Variants in SCRN1 observed in about 807,000 individuals in gnomAD.
SCRN1 encodes the protein secernin 1, also known as secernin-1.
Under a neutral mutation model 43.3 loss-of-function variants are expected in SCRN1, and 19 were observed. The ratio of observed to expected loss-of-function variants is 0.44; its 90% confidence interval spans 0.31 to 0.64. SCRN1 has a LOEUF of 0.64. Ranked by LOEUF, SCRN1 falls within the 30% of genes least tolerant of loss-of-function variation. The pLI is 0.09. For missense variants in SCRN1, 447 were observed against 524.1 expected, an observed-to-expected ratio of 0.85 and a Z score of 1.44; for synonymous variants, 183 against 188.9, an observed-to-expected ratio of 0.97 and a Z score of 0.26.
intron 5 of SCRN1, 51 bp from the exon 6 acceptor site, chr7:29,936,772 C>A: frequency 7.1e-7 from 1 of 1,416,620 alleles, no homozygotes; most frequent in African/African-American, 1.4e-5. Flanking sequence ...ATAGGCCGGG[C>A]GCGGTGGCTC....
Position 29,936,590 on chromosome 7 carries a change from T to G in SCRN1, c.871A>C (p.Ile291Leu), listed in dbSNP as rs748442203. The change falls in exon 6 of 8, where the codon ATT becomes CTT. Residue 291 changes from isoleucine (I) to leucine (L), a missense_variant. Physicochemically the swap from Ile to Leu is conservative, Grantham distance 5 (BLOSUM62 2). Coordinates refer to ENST00000242059, the MANE Select transcript of SCRN1 (RefSeq NM_014766.5). ...TCAGGGGTTCCAGTGAAGTAGTGAA[T>G]GCACGGAGAGCTTCTATTCTGCGGC... ...VLPQNRSSPC[I>L]HYFTGTPDPS... 1.9e-6 allele frequency: 3 copies of G among 1,600,146 alleles called. No individual in the cohort carries two copies. In the Admixed American group the frequency reaches 5.0e-5, roughly 27 times the overall value.
intron 1 of SCRN1, among the ~76,000 whole-genome samples, chr7:29,984,275 T>A (rs1030121703): frequency 1.3e-5 from 2 of 150,680 alleles, no homozygotes; most frequent in African/African-American, 4.9e-5. Context: ...TAAATTATTA[T>A]AATTTAGAAT....
intron 1 of SCRN1, among the ~76,000 whole-genome samples, chr7:29,976,518 T>A (rs930906169): frequency 2.0e-5 from 3 of 152,220 alleles, no homozygotes; most frequent in Non-Finnish European, 4.4e-5. Flanking sequence ...AATATGGATG[T>A]CCTTAACACT....
rs1362019785 is a variant in SCRN1, at chr7:29,922,112, A to C, written c.*1845T>G. 4 of 152,164 alleles carry C rather than the reference A, an allele frequency of 2.6e-5. No homozygotes were observed. Among genetic ancestry groups the C allele is most frequent in the African/African-American group, 9.7e-5 (4 of 41,450 alleles). 9.4% of individuals were successfully genotyped at this position (152,164 alleles called of 1,614,324 possible). A position where few individuals can be genotyped will look rare whatever the true frequency, so the allele number is the denominator to read the frequency against. ...CCACCTAAAAGGACACTCTAAATTC[A>C]CCAACAGTGAAAGCCCAGGCCAAAC... On this transcript the variant is annotated 3_prime_UTR_variant, in exon 8 of 8. Coordinates refer to ENST00000242059, the MANE Select transcript of SCRN1 (RefSeq NM_014766.5).
At chr7:29,984,596 T>C (rs1789093015) in intron 1 of SCRN1, among the ~76,000 whole-genome samples, 1 of 151,894 alleles carries the variant, frequency 6.6e-6, no homozygotes, top group Non-Finnish European at 1.5e-5. Flanking sequence ...ATAGCCAAAA[T>C]ATTTACTAGA....
chr7:29,986,209 C>G (rs1789146943), intron 1 of SCRN1, among the ~76,000 whole-genome samples: 1 of 152,224 alleles, frequency 6.6e-6, no homozygotes, highest in South Asian at 2.1e-4. Flanking sequence ...GCACTCTAGC[C>G]TGGGTGACGG....
At chr7:29,970,639 A>T (rs1413277561) in intron 1 of SCRN1, among the ~76,000 whole-genome samples, 3 of 152,230 alleles carry the variant, frequency 2.0e-5, no homozygotes, top group Non-Finnish European at 4.4e-5. Context: ...GCAGCCGTAC[A>T]CTATGTCTTA....
At chr7:29,973,653 CT>C (rs1379329998) in intron 1 of SCRN1, among the ~76,000 whole-genome samples, 2 of 152,148 alleles carry the variant, frequency 1.3e-5, no homozygotes, top group Non-Finnish European at 2.9e-5. Flanking sequence ...GCACTGAAGG[CT>C]TTTAAGTCAG....
intron 2 of SCRN1, among the ~76,000 whole-genome samples, chr7:29,966,009 A>T (rs928763776): frequency 7.2e-5 from 11 of 152,124 alleles, no homozygotes; most frequent in Non-Finnish European, 1.3e-4. Context: ...TTTAATGCTC[A>T]TGGATTTGAA....
At chr7:29,946,988 T>G (rs969840398) in intron 3 of SCRN1, among the ~76,000 whole-genome samples, 1 of 152,226 alleles carries the variant, frequency 6.6e-6, no homozygotes, top group African/African-American at 2.4e-5. Flanking sequence ...ACCTCCTACA[T>G]GCGGCAGATT....
rs370991010 is a variant in SCRN1, at chr7:29,934,333, G to A, written c.905+2223C>T. On this transcript the variant is annotated intron_variant, in intron 6 of 7. Transcript: ENST00000242059. ...AGCCTAGGAAGTGGAGTTCCTTTAC[G>A]TTGGTGTCCTGGGCTCACAAGGCCC... 3.3e-5 allele frequency among the ~76,000 whole-genome samples: 5 copies of A among 152,076 alleles called. No homozygotes were observed. In the East Asian group the frequency reaches 9.6e-4, roughly 29 times the overall value.
Position 29,920,952 on chromosome 7 carries a change from A to C in SCRN1, c.*3005T>G, listed in dbSNP as rs986410036. ...AAGGAACCTCCATAATTTCGATTATATTCTACCTAAAATTTCAAAGCACCT... is the reference window on the plus strand; with the variant it reads ...AAGGAACCTCCATAATTTCGATTATCTTCTACCTAAAATTTCAAAGCACCT... On this transcript the variant is annotated 3_prime_UTR_variant, in exon 8 of 8. Transcript: ENST00000242059. 1 of 152,528 alleles carries C rather than the reference A, an allele frequency of 6.6e-6. No individual in the cohort carries two copies. The highest frequency in any genetic ancestry group is 1.5e-5 in the Non-Finnish European group (1 of 68,040). 9.4% of individuals were successfully genotyped at this position (152,528 alleles called of 1,614,324 possible). A position where few individuals can be genotyped will look rare whatever the true frequency, so the allele number is the denominator to read the frequency against.
At chr7:29,989,882 C>T, upstream of SCRN1, 9 of 1,038,072 alleles carry the variant, frequency 8.7e-6, no homozygotes, top group South Asian at 3.6e-4. Context: ...TCCCCCACCC[C>T]GGCCCCCGGG....
At chr7:29,947,828 T>C (rs1446295749) in intron 3 of SCRN1, among the ~76,000 whole-genome samples, 1 of 152,136 alleles carries the variant, frequency 6.6e-6, no homozygotes, top group Non-Finnish European at 1.5e-5. Context: ...TTAGTGCCCT[T>C]AAAAGAAGAG....
At chr7:29,946,194 A>G (rs1787733169) in intron 3 of SCRN1, among the ~76,000 whole-genome samples, 1 of 152,240 alleles carries the variant, frequency 6.6e-6, no homozygotes, top group Admixed American at 6.5e-5. Context: ...GGGATAAAAG[A>G]ACAAACCCAC....
At chr7:29,985,113 G>T (rs1390462209) in intron 1 of SCRN1, among the ~76,000 whole-genome samples, 1 of 141,184 alleles carries the variant, frequency 7.1e-6, no homozygotes, top group Admixed American at 7.1e-5. Context: ...CATCCTAAAA[G>T]GAAGGAGACT....
chr7:29,945,605 A>C (rs373675035), intron 3 of SCRN1, among the ~76,000 whole-genome samples: 2 of 152,194 alleles, frequency 1.3e-5, no homozygotes, highest in South Asian at 4.1e-4. Context: ...GTGGTCAGTA[A>C]ATTTCTGGAG....
Position 29,981,012 on chromosome 7 carries a change from TA to T in SCRN1, c.-2+8629del, listed in dbSNP as rs199754585. Among the ~76,000 whole-genome samples, 273 of 151,932 alleles carry T rather than the reference TA, an allele frequency of 1.8e-3. 2 individuals carry two copies. The East Asian group carries it at 0.03, about 17-fold the overall frequency. ...GATGGGGATAGGGAGATAGAAACTT[TA>T]AATTTTACTTCATCTAGTTATATAG... On this transcript the variant is annotated intron_variant, in intron 1 of 7. Coordinates refer to ENST00000242059, the MANE Select transcript of SCRN1 (RefSeq NM_014766.5).
rs544805330 is a variant in SCRN1 at position 29,960,893 on chromosome 7, C to G, written c.160-5533G>C. ...ATTATAAATATTGATACCTATTTAT[C>G]CATCCTACTCTGCAACCAAAAGAGA... On this transcript the variant is annotated intron_variant, in intron 2 of 7. Coordinates refer to ENST00000242059, the MANE Select transcript of SCRN1 (RefSeq NM_014766.5). 1.5e-4 allele frequency among the ~76,000 whole-genome samples: 23 copies of G among 152,170 alleles called. No individual in the cohort carries two copies. The South Asian group carries it at 4.6e-3, about 30-fold the overall frequency.
Sources: gnomAD v4.1 joint callset for allele counts (sites outside exome capture counted in the v4.1 genomes callset) on GRCh38, gnomAD v4.1.1 for gene constraint, MANE v1.5 for transcripts, NCBI Gene and HGNC (gene_info 2026-07-23, HGNC 2026-07-21) for gene names.